L3MBTL4: variants seen among roughly 807,000 people sequenced by gnomAD.
L3MBTL4 encodes L3MBTL histone methyl-lysine binding protein 4.
A neutral mutation model predicts 84.5 loss-of-function variants in L3MBTL4; 70 were observed. The ratio of observed to expected loss-of-function variants is 0.83; its 90% CI spans 0.68 to 1.01. The LOEUF is 1.01. Among genes scored for constraint, L3MBTL4 ranks in the 50% least tolerant of loss-of-function variants. The pLI is 0.00. For missense variants in L3MBTL4, 715 were observed against 754.8 expected (o/e 0.95, Z 0.62); for synonymous variants, 274 against 259.8 (o/e 1.05, Z -0.52).
At chr18:6,028,874 T>C (rs2055640115) in intron 16 of L3MBTL4, among the ~76,000 whole-genome samples, 1 of 152,184 alleles carries the variant, frequency 6.6e-6, no homozygotes, top group African/African-American at 2.4e-5. Context: ...AATTAAGTTA[T>C]AGAAGAAAGA....
chr18:6,216,159 G>A (rs1317282059), intron 10 of L3MBTL4, among the ~76,000 whole-genome samples: 1 of 152,106 alleles, frequency 6.6e-6, no homozygotes, highest in African/African-American at 2.4e-5. Context: ...CCAACAGAAG[G>A]CTCCTTAGCA....
chr18:6,022,647 CCAA>C (rs568219284), intron 16 of L3MBTL4, among the ~76,000 whole-genome samples: 55 of 152,208 alleles, frequency 3.6e-4, no homozygotes, highest in African/African-American at 1.3e-3. Context: ...ACATCGAATC[CCAA>C]CAACATCTCT....
intron 1 of L3MBTL4, among the ~76,000 whole-genome samples, chr18:6,402,743 G>C (rs1736610714): frequency 6.6e-6 from 1 of 152,124 alleles, no homozygotes; most frequent in Admixed American, 6.6e-5. Flanking sequence ...TTTCAAGGCG[G>C]AAGTTTTAGA....
intron 16 of L3MBTL4, chr18:6,030,107 T>C (rs1431535669): frequency 3.4e-5 from 32 of 944,416 alleles, no homozygotes; most frequent in Non-Finnish European, 3.5e-5. Context: ...TTTAACAATG[T>C]ATGTGGTATG....
chr18:6,315,418 T>A (rs1242248083), intron 1 of L3MBTL4, among the ~76,000 whole-genome samples: 3 of 152,232 alleles, frequency 2.0e-5, no homozygotes, highest in South Asian at 4.1e-4. Context: ...GTAGCTAACA[T>A]TACTTGAGTC....
At chr18:5,963,545 C>T (rs865886633) in intron 17 of L3MBTL4, among the ~76,000 whole-genome samples, 11 of 152,214 alleles carry the variant, frequency 7.2e-5, no homozygotes, top group Admixed American at 3.3e-4. Flanking sequence ...CTGAAAGGCT[C>T]TGCCATTTTG....
rs150488988 is a variant in L3MBTL4, at chr18:6,033,986, A to G, written c.1444+46895T>C. On this transcript the variant is annotated intron_variant, in intron 16 of 18. Coordinates refer to ENST00000317931, the MANE Select transcript of L3MBTL4 (RefSeq NM_001330559.2). ...ATAGTTGTTTAAGGTATTTACCTTT[A>G]TTGAGATCTTTATTTCTTCACATGG... Among the ~76,000 whole-genome samples, 1,487 of 152,320 alleles carry G rather than the reference A, an allele frequency of 9.8e-3. 29 individuals are homozygous for G. The highest frequency in any genetic ancestry group is 0.034 in the African/African-American group (1,423 of 41,578).
At chr18:6,412,639 T>C (rs2056016601) in intron 1 of L3MBTL4, among the ~76,000 whole-genome samples, 1 of 152,100 alleles carries the variant, frequency 6.6e-6, no homozygotes, top group Admixed American at 6.5e-5. Context: ...CTGTTGCTTT[T>C]ATCACCTCCT....
chr18:6,179,861 C>T (rs1164591754), intron 12 of L3MBTL4, among the ~76,000 whole-genome samples: 1 of 152,168 alleles, frequency 6.6e-6, no homozygotes, highest in Non-Finnish European at 1.5e-5. Context: ...TGGTCTCAAA[C>T]TCCTGTTCTC....
rs141896361 is a variant in L3MBTL4 at position 6,018,567 on chromosome 18, G to A, written c.1445-49005C>T. On this transcript the variant is annotated intron_variant, in intron 16 of 18. Coordinates refer to ENST00000317931, the MANE Select transcript of L3MBTL4 (RefSeq NM_001330559.2). Reference sequence around the variant, plus strand: ...TACATCCAGAAGTGAAAGACGTTCCGTGTGCTGTGGGCATACTGTGTGATT... The same window carrying A: ...TACATCCAGAAGTGAAAGACGTTCCATGTGCTGTGGGCATACTGTGTGATT... 2.5e-3 allele frequency among the ~76,000 whole-genome samples: 383 copies of A among 152,286 alleles called. 1 individual carries two copies. Among genetic ancestry groups the A allele is most frequent in the African/African-American group, 8.8e-3 (365 of 41,556 alleles).
chr18:6,288,153 A>G (rs2049685182), intron 4 of L3MBTL4, among the ~76,000 whole-genome samples: 1 of 152,202 alleles, frequency 6.6e-6, no homozygotes, highest in Admixed American at 6.5e-5. Flanking sequence ...ATGTTTTATA[A>G]TCTCATAACT....
At chr18:6,269,558 A>T (rs1383533213) in intron 4 of L3MBTL4, among the ~76,000 whole-genome samples, 1 of 152,236 alleles carries the variant, frequency 6.6e-6, no homozygotes, top group Non-Finnish European at 1.5e-5. Flanking sequence ...TGATCTATTC[A>T]TCCCAACTTT....
chr18:6,190,393 C>A (rs575798484), intron 12 of L3MBTL4, among the ~76,000 whole-genome samples: 1 of 152,242 alleles, frequency 6.6e-6, no homozygotes, highest in South Asian at 2.1e-4. Context: ...ATTCACTGAG[C>A]TGTACACTTA....
At chr18:6,138,122 G>T in intron 14 of L3MBTL4, 72 bp downstream of exon 14, 1 of 999,832 alleles carries the variant, frequency 1.0e-6, no homozygotes, top group Non-Finnish European at 1.5e-6. Flanking sequence ...CATTTATGAT[G>T]CTCCATGTAG....
At chr18:6,397,712 C>T (rs2055334264) in intron 1 of L3MBTL4, 1 of 152,014 alleles carries the variant, frequency 6.6e-6, no homozygotes, top group Admixed American at 6.6e-5. Context: ...AAAAATTAGC[C>T]AGGCATTGTG....
chr18:6,306,921 CAA>C (rs571726466), intron 3 of L3MBTL4, among the ~76,000 whole-genome samples: 12 of 152,162 alleles, frequency 7.9e-5, no homozygotes, highest in Non-Finnish European at 1.5e-4. Flanking sequence ...ACCCATGCCC[CAA>C]CCCCATCCAA....
At chr18:6,355,537 T>C (rs1054451485) in intron 1 of L3MBTL4, among the ~76,000 whole-genome samples, 14 of 152,234 alleles carry the variant, frequency 9.2e-5, no homozygotes, top group Admixed American at 2.6e-4. Flanking sequence ...GCAAAATAGA[T>C]GACTTGTCAA....
At chr18:6,376,291 C>T (rs540208504) in intron 1 of L3MBTL4, among the ~76,000 whole-genome samples, 2 of 152,360 alleles carry the variant, frequency 1.3e-5, no homozygotes, top group South Asian at 4.1e-4. Flanking sequence ...TCACCTCCTC[C>T]TGTCAGTCGT....
At chr18:6,362,736 T>G (rs2144043344) in intron 1 of L3MBTL4, among the ~76,000 whole-genome samples, 1 of 152,326 alleles carries the variant, frequency 6.6e-6, no homozygotes, top group African/African-American at 2.4e-5. Context: ...TAACAACTCA[T>G]GAACCAATAT....
Sources: allele counts gnomAD v4.1 joint callset (sites outside exome capture counted in the v4.1 genomes callset), GRCh38; gene constraint gnomAD v4.1.1; transcripts MANE v1.5; gene names NCBI Gene and HGNC (gene_info 2026-07-23, HGNC 2026-07-21).